RAB27B: variants seen among roughly 807,000 people sequenced by gnomAD.
RAB27B encodes ras-related protein Rab-27B.
In RAB27B, 15 loss-of-function variants were observed where a neutral mutation model predicts 24.6. The observed-to-expected ratio is 0.61, with a 90% confidence interval of 0.41 to 0.94. The LOEUF is 0.94. Ranked by LOEUF, RAB27B falls within the 40% of genes least tolerant of loss-of-function variation. The pLI, the probability that RAB27B is intolerant of heterozygous loss-of-function variation, is 0.00. For synonymous variants in RAB27B, 105 were observed against 92.5 expected, an observed-to-expected ratio of 1.14 and a Z score of -0.78; for missense variants, 261 against 266.8, an observed-to-expected ratio of 0.98 and a Z score of 0.15.
intron 2 of RAB27B, among the ~76,000 whole-genome samples, chr18:54,775,746 C>T (rs577562993): frequency 1.4e-4 from 22 of 152,324 alleles, no homozygotes; most frequent in African/African-American, 4.8e-4. Flanking sequence ...GCTGCTGCCT[C>T]TTCCTGAAAT....
At chr18:54,867,488 C>T (rs1281280731) in intron 1 of RAB27B, among the ~76,000 whole-genome samples, 10 of 138,630 alleles carry the variant, frequency 7.2e-5, no homozygotes, top group African/African-American at 2.7e-4. Flanking sequence ...GCTCTGTTGC[C>T]CAGAATGGAG....
Position 54,873,730 on chromosome 18 carries a change from A to T in RAB27B, c.-19-3837A>T, listed in dbSNP as rs868734293. On this transcript the variant is annotated intron_variant, in intron 1 of 5. Transcript: ENST00000262094. ...GTGTGTGTGTGTGTGTGTGTGTGTGAGTGTGTTGACAGAGACAGACATAGA... is the reference window on the plus strand; with the variant it reads ...GTGTGTGTGTGTGTGTGTGTGTGTGTGTGTGTTGACAGAGACAGACATAGA... Among the ~76,000 whole-genome samples, 222 of 116,650 alleles carry T rather than the reference A, an allele frequency of 1.9e-3. 1 individual carries two copies. The highest frequency in any genetic ancestry group is 5.4e-3 in the African/African-American group (178 of 33,166). 76.5% of individuals were successfully genotyped at this position (116,650 alleles called of 152,430 possible).
At chr18:54,863,186 A>C (rs571521698) in intron 1 of RAB27B, among the ~76,000 whole-genome samples, 1 of 152,226 alleles carries the variant, frequency 6.6e-6, no homozygotes, top group Non-Finnish European at 1.5e-5. Flanking sequence ...TATATATGTG[A>C]TTAAATACAT....
chr18:54,737,666 T>G (rs1000894786), intron 2 of RAB27B, among the ~76,000 whole-genome samples: 4 of 152,104 alleles, frequency 2.6e-5, no homozygotes, highest in African/African-American at 9.7e-5. Context: ...TACATGTTTA[T>G]TGAAAGAATA....
intron 4 of RAB27B, among the ~76,000 whole-genome samples, chr18:54,886,774 A>T (rs1023604242): frequency 6.6e-6 from 1 of 152,058 alleles, no homozygotes; most frequent in Non-Finnish European, 1.5e-5. Context: ...TAAGATAATT[A>T]ATTGTCATGC....
At chr18:54,722,361 C>A (rs1174401708) in intron 2 of RAB27B, among the ~76,000 whole-genome samples, 1 of 152,128 alleles carries the variant, frequency 6.6e-6, no homozygotes, top group East Asian at 1.9e-4. Flanking sequence ...TTGCTTATTT[C>A]CCCAGAAACC....
chr18:54,888,110 C>A lies in RAB27B; in HGVS notation c.459C>A (p.Asp153Glu), dbSNP rs190794224. 5.6e-5 allele frequency: 90 copies of A among 1,612,390 alleles called. No individual in the cohort carries two copies. The African/African-American group carries it at 8.4e-4, about 15-fold the overall frequency. Residue 153 changes from aspartate to glutamate, a missense_variant, in exon 5 of 6, where the codon GAC becomes GAA. Coordinates refer to ENST00000262094, the MANE Select transcript of RAB27B (RefSeq NM_004163.4). ...AACGGCAAGCTCGGGAACTGGCTGA[C>A]AAATATGGGTAAGTCAGTTACACTG... ...VNERQARELA[D>E]KYGIPYFETS...
At chr18:54,816,261 C>A (rs116871019) in intron 2 of RAB27B, among the ~76,000 whole-genome samples, 3 of 152,086 alleles carry the variant, frequency 2.0e-5, no homozygotes, top group Admixed American at 6.6e-5. Context: ...GGGTATAAGG[C>A]GAAGGCCAAA....
chr18:54,888,136 A>T lies in RAB27B; in HGVS notation c.467+18A>T. ...AAATATGGGTAAGTCAGTTACACTG[A>T]GATGGCATGTGACTTGCACACTGCT... On this transcript the variant is annotated intron_variant, in intron 5 of 5. Coordinates refer to ENST00000262094, the MANE Select transcript of RAB27B (RefSeq NM_004163.4). 1 of 1,611,250 alleles carries T rather than the reference A, an allele frequency of 6.2e-7. No homozygotes were observed. The highest frequency in any genetic ancestry group is 8.5e-7 in the Non-Finnish European group (1 of 1,178,408).
At chr18:54,850,412 C>T (rs898219188) in intron 1 of RAB27B, among the ~76,000 whole-genome samples, 3 of 145,348 alleles carry the variant, frequency 2.1e-5, no homozygotes, top group Admixed American at 7.1e-5. Context: ...CACTCTGTCA[C>T]CCAGCCTGGA....
intron 1 of RAB27B, among the ~76,000 whole-genome samples, chr18:54,850,359 TAC>T (rs1555663551): frequency 3.9e-5 from 5 of 126,814 alleles, no homozygotes; most frequent in African/African-American, 9.4e-5. Flanking sequence ...TATATATATA[TAC>T]ATACATACAT....
At chr18:54,733,818 C>A (rs1909806176) in intron 2 of RAB27B, among the ~76,000 whole-genome samples, 1 of 152,084 alleles carries the variant, frequency 6.6e-6, no homozygotes, top group Non-Finnish European at 1.5e-5. Flanking sequence ...AAATATGGCA[C>A]TCCAAGTGTA....
At chr18:54,873,385 G>T (rs967740038) in intron 1 of RAB27B, among the ~76,000 whole-genome samples, 1 of 152,198 alleles carries the variant, frequency 6.6e-6, no homozygotes, top group Non-Finnish European at 1.5e-5. Flanking sequence ...AAGACTAAGT[G>T]AGATGCATTT....
chr18:54,827,351 A>AACAC (rs1349461753), upstream of RAB27B, among the ~76,000 whole-genome samples: 3 of 152,236 alleles, frequency 2.0e-5, no homozygotes, highest in East Asian at 3.8e-4. Context: ...CAATAACACT[A>AACAC]TGAAGACATT....
At chr18:54,830,634 G>A (rs1461753337) in intron 1 of RAB27B, among the ~76,000 whole-genome samples, 1 of 152,046 alleles carries the variant, frequency 6.6e-6, no homozygotes, top group Non-Finnish European at 1.5e-5. Flanking sequence ...TTCATTATTA[G>A]GTATATATGG....
chr18:54,885,077 T>C (rs1171949659), intron 4 of RAB27B, among the ~76,000 whole-genome samples: 3 of 152,224 alleles, frequency 2.0e-5, no homozygotes, highest in African/African-American at 7.2e-5. Context: ...ATTACTAAAG[T>C]CATATTGACA....
chr18:54,798,680 T>C (rs1410744117), intron 2 of RAB27B, among the ~76,000 whole-genome samples: 1 of 152,252 alleles, frequency 6.6e-6, no homozygotes, highest in Non-Finnish European at 1.5e-5. Flanking sequence ...CACTACTTAA[T>C]ATGAAGATGA....
intron 2 of RAB27B, among the ~76,000 whole-genome samples, chr18:54,759,668 C>T (rs1462133080): frequency 6.6e-6 from 1 of 152,170 alleles, no homozygotes; most frequent in Non-Finnish European, 1.5e-5. Context: ...CTGTTTGGCC[C>T]ACCCCTCCCC....
chr18:54,866,942 A>G (rs1367535540), intron 1 of RAB27B, among the ~76,000 whole-genome samples: 1 of 152,162 alleles, frequency 6.6e-6, no homozygotes, highest in Non-Finnish European at 1.5e-5. Context: ...AGTCAGTGAA[A>G]CAGTCCTTCA....
Sources: gnomAD v4.1 joint callset for allele counts (sites outside exome capture counted in the v4.1 genomes callset) on GRCh38, gnomAD v4.1.1 for gene constraint, MANE v1.5 for transcripts, NCBI Gene and HGNC (gene_info 2026-07-23, HGNC 2026-07-21) for gene names.